Variants in NRG1 observed in about 807,000 individuals in gnomAD.
NRG1 encodes the protein neuregulin 1.
A neutral mutation model predicts 63.8 loss-of-function variants in NRG1; 18 were observed. The ratio of observed to expected loss-of-function variants is 0.28; its 90% CI spans 0.19 to 0.42. The LOEUF (loss-of-function observed/expected upper bound fraction) is 0.42. NRG1 is among the 10% of genes least tolerant of loss of function. The pLI is 1.00. For synonymous variants in NRG1, 302 were observed against 301.3 expected (o/e 1.00, Z -0.02); for missense variants, 762 against 814.7 (o/e 0.94, Z 0.79).
chr8:32,074,098 TTAACA>T (rs1218822268), intron 1 of NRG1, among the ~76,000 whole-genome samples: 1 of 152,190 alleles, frequency 6.6e-6, no homozygotes, highest in African/African-American at 2.4e-5. Context: ...TTCACAGTTA[TTAACA>T]TAACTTTTTC....
chr8:32,247,004 C>A (rs1271811753), intron 1 of NRG1, among the ~76,000 whole-genome samples: 1 of 151,846 alleles, frequency 6.6e-6, no homozygotes, highest in Non-Finnish European at 1.5e-5. Flanking sequence ...GAAGTGATGT[C>A]GTTAACTGGC....
chr8:31,703,633 C>T (rs1810848251), intron 1 of NRG1, among the ~76,000 whole-genome samples: 1 of 152,110 alleles, frequency 6.6e-6, no homozygotes, highest in African/African-American at 2.4e-5. Context: ...TATAGAGAGA[C>T]ATTAAAGCAA....
At chr8:32,344,364 T>TTCTTTC (rs1563338034) in intron 1 of NRG1, among the ~76,000 whole-genome samples, 1 of 66,248 alleles carries the variant, frequency 1.5e-5, no homozygotes. Flanking sequence ...CTTTCTTTCT[T>TTCTTTC]TCTTTCTTTC....
intron 1 of NRG1, among the ~76,000 whole-genome samples, chr8:31,954,774 A>G (rs539813389): frequency 1.1e-4 from 16 of 152,296 alleles, no homozygotes; most frequent in Non-Finnish European, 1.9e-4. Context: ...TGGGACATAG[A>G]ACATTTTCTT....
At chr8:32,062,450 G>C (rs1185910169) in intron 1 of NRG1, among the ~76,000 whole-genome samples, 1 of 152,020 alleles carries the variant, frequency 6.6e-6, no homozygotes, top group Admixed American at 6.6e-5. Flanking sequence ...TACTTGTACG[G>C]ATATGCTGGA....
chr8:32,544,114 T>C (rs1159824626), upstream of NRG1, among the ~76,000 whole-genome samples: 1 of 152,200 alleles, frequency 6.6e-6, no homozygotes, highest in Non-Finnish European at 1.5e-5. Context: ...TATTATTTAA[T>C]CTCCAAAATA....
chr8:32,211,929 T>C (rs1844743259), intron 1 of NRG1, among the ~76,000 whole-genome samples: 2 of 152,214 alleles, frequency 1.3e-5, no homozygotes, highest in Non-Finnish European at 2.9e-5. Flanking sequence ...TTTACAATTA[T>C]ATCTTTAGTC....
intron 1 of NRG1, among the ~76,000 whole-genome samples, chr8:32,566,945 C>G (rs765713916): frequency 3.9e-5 from 6 of 152,132 alleles, no homozygotes; most frequent in Non-Finnish European, 8.8e-5. Context: ...CCTCCACAAA[C>G]GATTCTGTTG....
intron 1 of NRG1, among the ~76,000 whole-genome samples, chr8:31,682,991 G>T (rs994468238): frequency 2.0e-5 from 3 of 152,142 alleles, no homozygotes; most frequent in African/African-American, 7.2e-5. Context: ...AATTCAGGGG[G>T]ATTGGAAAAG....
intron 1 of NRG1, among the ~76,000 whole-genome samples, chr8:31,864,278 C>T (rs1828743203): frequency 6.6e-6 from 1 of 152,166 alleles, no homozygotes; most frequent in Admixed American, 6.5e-5. Context: ...GAACAAAAGA[C>T]ATGGTCCTTC....
chr8:32,193,304 TTGTGTGTGTG>T (rs142841681), intron 1 of NRG1, among the ~76,000 whole-genome samples: 8 of 148,068 alleles, frequency 5.4e-5, no homozygotes, highest in East Asian at 2.0e-4. Flanking sequence ...TTTTCTACCT[TTGTGTGTGTG>T]TGTGTGTGTG....
chr8:32,530,273 A>G (rs533964460), intron 1 of NRG1, among the ~76,000 whole-genome samples: 1 of 152,098 alleles, frequency 6.6e-6, no homozygotes, highest in African/African-American at 2.4e-5. Context: ...ACGCCCGGCT[A>G]ATTTTTTGTA....
exon 12 of NRG1, chr8:32,766,840 GC>G (rs1831467567): frequency 6.6e-6 from 1 of 152,092 alleles, no homozygotes; most frequent in Admixed American, 6.6e-5. Context: ...ACCTGCCAAG[GC>G]CACTAGATTT....
At chr8:31,832,716 G>A (rs1563457981) in intron 1 of NRG1, among the ~76,000 whole-genome samples, 2 of 152,262 alleles carry the variant, frequency 1.3e-5, no homozygotes, top group Admixed American at 6.5e-5. Context: ...AAATTAGGAT[G>A]GGGATGTTAG....
rs1438744298 is a variant in NRG1 at position 31,947,922 on chromosome 8, G to A, written c.37+308491G>A. Among the ~76,000 whole-genome samples the A allele has an allele frequency of 1.8e-4, 23 of 124,732 alleles. No homozygotes were observed. In the Admixed American group the frequency reaches 2.3e-3, roughly 12 times the overall value. The allele number at this position is 124,732 out of a possible 152,430, so 81.8% of individuals were successfully genotyped here. On this transcript the variant is annotated intron_variant, in intron 1 of 10. Coordinates refer to the NRG1 transcript ENST00000519301. ...ATCATGCCACTGCGCTCCAGCTTGG[G>A]CTACAGAGTGAGACTCCATCTCAAA...
chr8:32,045,717 G>A (rs2130744489), intron 1 of NRG1, among the ~76,000 whole-genome samples: 1 of 151,994 alleles, frequency 6.6e-6, no homozygotes, highest in Non-Finnish European at 1.5e-5. Context: ...AAAGGGTAAT[G>A]TTCTAACAAA....
In NRG1 at chr8:32,610,303, A is replaced by G. The variant is rs151227207; in HGVS notation, c.401-4211A>G. On this transcript the variant is annotated intron_variant, in intron 3 of 11. Transcript: ENST00000356819. ...ACAGTTACTTTTTGTATGTTCCAAC[A>G]TGTTTAGAACATATTTTGATACAAG... Among the ~76,000 whole-genome samples the G allele has an allele frequency of 8.6e-3, 1,316 of 152,248 alleles. 4 individuals carry two copies. The highest frequency in any genetic ancestry group is 0.037 in the Middle Eastern group (11 of 294).
intron 1 of NRG1, among the ~76,000 whole-genome samples, chr8:32,476,265 C>T (rs1824505302): frequency 6.6e-6 from 1 of 152,152 alleles, no homozygotes; most frequent in Non-Finnish European, 1.5e-5. Context: ...CCAGAGCTGG[C>T]TCTAAGAGAT....
At chr8:31,781,468 C>T (rs1418880677) in intron 1 of NRG1, among the ~76,000 whole-genome samples, 2 of 152,146 alleles carry the variant, frequency 1.3e-5, no homozygotes, top group Non-Finnish European at 2.9e-5. Flanking sequence ...AACCTTGTGT[C>T]TCCCAATGGG....
Sources: allele counts gnomAD v4.1 joint callset (sites outside exome capture counted in the v4.1 genomes callset), GRCh38; gene constraint gnomAD v4.1.1; transcripts MANE v1.5; gene names NCBI Gene and HGNC (gene_info 2026-07-23, HGNC 2026-07-21).